The following PCSK2 variants were observed in gnomAD, a reference collection of about 807,000 sequenced individuals.
PCSK2 encodes neuroendocrine convertase 2.
In PCSK2, 14 loss-of-function variants were observed where a neutral mutation model predicts 69.7. That is an observed-to-expected ratio of 0.20 (90% CI 0.13 to 0.31). The LOEUF (loss-of-function observed/expected upper bound fraction) is 0.31. Among genes scored for constraint, PCSK2 ranks in the 10% least tolerant of loss-of-function variants. The probability of loss-of-function intolerance (pLI) is 1.00; values close to 1 mark genes in which losing one functional copy is unlikely to be tolerated. For missense variants in PCSK2, 544 were observed against 842.5 expected, an observed-to-expected ratio of 0.65 and a Z score of 4.39; for synonymous variants, 307 against 320.7, an observed-to-expected ratio of 0.96 and a Z score of 0.46.
At chr20:17,350,629 C>T (rs16998977) in intron 2 of PCSK2, among the ~76,000 whole-genome samples, 8,903 of 152,224 alleles carry the variant, frequency 0.058, 479 homozygotes, top group South Asian at 0.25. Context: ...GCGGCTTAGT[C>T]GAAAGTTCAT....
chr20:17,269,868 GA>G (rs1237496637), intron 2 of PCSK2, among the ~76,000 whole-genome samples: 1 of 151,942 alleles, frequency 6.6e-6, no homozygotes, highest in Non-Finnish European at 1.5e-5. Context: ...AAACCAAAAA[GA>G]AAAAACCTTA....
rs539788324 is a variant in PCSK2, at chr20:17,472,128, C to T, written c.1430+6575C>T. Among the ~76,000 whole-genome samples, 7 of 152,296 alleles carry T rather than the reference C, an allele frequency of 4.6e-5. No homozygotes were observed. The South Asian group carries it at 8.3e-4, about 18-fold the overall frequency. ...TAGAATGAGCAGAGCCAGCCCAGGCCGGCCCCATCAGCCAGCTGGGAGTGA... is the reference window on the plus strand; with the variant it reads ...TAGAATGAGCAGAGCCAGCCCAGGCTGGCCCCATCAGCCAGCTGGGAGTGA... On this transcript the variant is annotated intron_variant, in intron 11 of 11. Transcript: ENST00000262545.
In PCSK2 at chr20:17,465,481, T is replaced by C; in HGVS notation, c.1358T>C (p.Val453Ala). ...GYGVLDAGAM[V>A]KMAKDWKTVP... ...GGGGTCCTTGATGCAGGTGCCATGG[T>C]GAAAATGGCTAAAGACTGGAAAACC... The change falls in exon 11 of 12, where the codon GTG becomes GCG. Residue 453 changes from valine (V) to alanine (A), a missense_variant. By Grantham distance (64) the Val-to-Ala change is moderately conservative (BLOSUM62 0). Coordinates refer to ENST00000262545, the MANE Select transcript of PCSK2 (RefSeq NM_002594.5). The C allele has an allele frequency of 9.9e-6, 16 of 1,613,866 alleles. No individual in the cohort carries two copies. The highest frequency in any genetic ancestry group is 1.4e-5 in the Non-Finnish European group (16 of 1,179,938).
chr20:17,292,786 A>G (rs1195080710), intron 2 of PCSK2, among the ~76,000 whole-genome samples: 1 of 151,876 alleles, frequency 6.6e-6, no homozygotes, highest in Non-Finnish European at 1.5e-5. Flanking sequence ...TAGCTGGGTT[A>G]TTATTGTGAA....
intron 2 of PCSK2, among the ~76,000 whole-genome samples, chr20:17,274,592 G>A (rs1987988208): frequency 6.6e-6 from 1 of 152,050 alleles, no homozygotes; most frequent in African/African-American, 2.4e-5. Flanking sequence ...ACCGTGGGGA[G>A]AGAGAGAGGC....
At chr20:17,380,922 C>G (rs1464028034) in intron 5 of PCSK2, among the ~76,000 whole-genome samples, 1 of 152,198 alleles carries the variant, frequency 6.6e-6, no homozygotes, top group Non-Finnish European at 1.5e-5. Context: ...CTTCCCCAGC[C>G]CTCCCTGTCC....
chr20:17,413,548 C>T (rs2031927034), intron 6 of PCSK2, among the ~76,000 whole-genome samples: 1 of 152,154 alleles, frequency 6.6e-6, no homozygotes, highest in African/African-American at 2.4e-5. Context: ...CCTTAGAGAC[C>T]TACAAAGAGA....
chr20:17,301,788 A>G (rs1455244498), intron 2 of PCSK2, among the ~76,000 whole-genome samples: 1 of 152,070 alleles, frequency 6.6e-6, no homozygotes, highest in Non-Finnish European at 1.5e-5. Flanking sequence ...AAAATTAACC[A>G]GGCGTGGTGG....
intron 2 of PCSK2, among the ~76,000 whole-genome samples, chr20:17,324,804 A>G (rs1268825122): frequency 2.0e-5 from 3 of 152,164 alleles, no homozygotes; most frequent in Admixed American, 2.0e-4. Context: ...CTCTTCCCCT[A>G]CTTCAGCATC....
At chr20:17,303,314 A>G (rs990507194) in intron 2 of PCSK2, among the ~76,000 whole-genome samples, 10 of 137,584 alleles carry the variant, frequency 7.3e-5, no homozygotes, top group Non-Finnish European at 1.4e-4. Context: ...ACTATATTAT[A>G]ACCATATATA....
chr20:17,245,748 C>G (rs140167021), intron 1 of PCSK2, among the ~76,000 whole-genome samples: 1 of 152,032 alleles, frequency 6.6e-6, no homozygotes, highest in African/African-American at 2.4e-5. Flanking sequence ...TAGCAGAGTC[C>G]TAGACAGCTC....
chr20:17,270,171 G>A (rs1041163877), intron 2 of PCSK2, among the ~76,000 whole-genome samples: 1 of 152,048 alleles, frequency 6.6e-6, no homozygotes, highest in Non-Finnish European at 1.5e-5. Context: ...GGCAAAAGTG[G>A]TTTGAAGTTG....
At chr20:17,394,356 C>T (rs758736471) in intron 5 of PCSK2, among the ~76,000 whole-genome samples, 22 of 152,108 alleles carry the variant, frequency 1.4e-4, no homozygotes, top group Non-Finnish European at 2.8e-4. Context: ...CAGTGCATAT[C>T]CTTGAACCAC....
rs114924561 is a variant in PCSK2, at chr20:17,347,185, C to T, written c.283-11142C>T. On this transcript the variant is annotated intron_variant, in intron 2 of 11. Transcript: ENST00000262545. ...GGCTTAACTTGGTATTCTTTGAAAA[C>T]TTAAGCTGTGTAATTTGCCTGTAAT... Among the ~76,000 whole-genome samples the T allele has an allele frequency of 6.4e-3, 973 of 152,290 alleles. 12 individuals are homozygous for T. Among genetic ancestry groups the T allele is most frequent in the African/African-American group, 0.022 (903 of 41,542 alleles).
chr20:17,415,268 T>A (rs1425485459), intron 6 of PCSK2, among the ~76,000 whole-genome samples: 1 of 152,196 alleles, frequency 6.6e-6, no homozygotes, highest in Admixed American at 6.5e-5. Context: ...GATGACATGA[T>A]TGTATATCTA....
At chr20:17,391,978 G>T (rs896576877) in intron 5 of PCSK2, among the ~76,000 whole-genome samples, 5 of 148,152 alleles carry the variant, frequency 3.4e-5, no homozygotes, top group African/African-American at 1.2e-4. Flanking sequence ...GGAAGGAAGG[G>T]AAGGGAAGGA....
chr20:17,460,083 G>C (rs1429210057), intron 10 of PCSK2, among the ~76,000 whole-genome samples: 1 of 152,166 alleles, frequency 6.6e-6, no homozygotes, highest in Admixed American at 6.5e-5. Flanking sequence ...GTGAATCAGG[G>C]AATCCAGCTC....
intron 2 of PCSK2, among the ~76,000 whole-genome samples, chr20:17,308,713 G>A (rs1989407255): frequency 6.6e-6 from 1 of 152,210 alleles, no homozygotes; most frequent in African/African-American, 2.4e-5. Context: ...TCTATGGACA[G>A]CTGTGGGTCA....
At chr20:17,476,692 A>T (rs2033296769) in intron 11 of PCSK2, among the ~76,000 whole-genome samples, 1 of 152,200 alleles carries the variant, frequency 6.6e-6, no homozygotes, top group Non-Finnish European at 1.5e-5. Context: ...CTTGCCCACA[A>T]CTGGACTCGT....
Sources: gnomAD v4.1 joint callset for allele counts (sites outside exome capture counted in the v4.1 genomes callset) on GRCh38, gnomAD v4.1.1 for gene constraint, MANE v1.5 for transcripts, NCBI Gene and HGNC (gene_info 2026-07-23, HGNC 2026-07-21) for gene names.